The following PCDH20 variants were observed in gnomAD, a reference collection of about 807,000 sequenced individuals.
PCDH20 encodes protocadherin-20.
A neutral mutation model predicts 39.7 loss-of-function variants in PCDH20; 18 were observed. The observed-to-expected ratio is 0.45, with a 90% CI of 0.31 to 0.67. The LOEUF is 0.67. Ranked by LOEUF, PCDH20 falls within the 30% of genes least tolerant of loss-of-function variation. PCDH20 has a pLI of 0.05. For synonymous variants in PCDH20, 495 were observed against 455.4 expected (o/e 1.09, Z -1.11); for missense variants, 1,161 against 1,167.4 (o/e 0.99, Z 0.08).
chr13:61,413,860 A>T lies in PCDH20; in HGVS notation c.239T>A (p.Val80Glu). The T allele has an allele frequency of 6.2e-7, 1 of 1,612,444 alleles. No homozygotes were observed. The highest frequency in any genetic ancestry group is 8.5e-7 in the Non-Finnish European group (1 of 1,179,606). The change falls in exon 2 of 2, where the codon GTG (valine) becomes GAG (glutamate). Residue 80 changes from valine (V) to glutamate (E), a missense_variant. By Grantham distance (121) the Val-to-Glu change is moderately radical. Coordinates refer to ENST00000409204, the Ensembl canonical transcript of PCDH20. ...GTCCTCGGCCAGGCTGCCGATGAGCACCCCCGCGGGTAGTCCCTCGTTTAG... is the reference window on the plus strand; with the variant it reads ...GTCCTCGGCCAGGCTGCCGATGAGCTCCCCCGCGGGTAGTCCCTCGTTTAG...
exon 2 of PCDH20, chr13:61,412,306 T>A (rs1271955575): frequency 6.2e-7 from 1 of 1,614,088 alleles, no homozygotes; most frequent in South Asian, 1.1e-5. Flanking sequence ...CTCTTCTCGG[T>A]CCAGCTGAGT....
exon 2 of PCDH20, chr13:61,412,533 T>A: frequency 6.2e-7 from 1 of 1,614,234 alleles, no homozygotes; most frequent in South Asian, 1.1e-5. Flanking sequence ...AAAGTTGCAC[T>A]TTAATGACCC....
In PCDH20 at chr13:61,412,595, A is replaced by C. The variant is rs1415387809; in HGVS notation, c.1504T>G (p.Phe502Val). ...CAAGCCACCACAGCTACTTCATAGA[A>C]CTGCTGTAGCTCATAGTCCATAGGT... is the stretch of plus-strand genomic sequence containing the variant. Residue 502 changes from phenylalanine to valine, a missense_variant, in exon 2 of 2, where the codon TTC becomes GTC. Around this residue, in one of 3 missense-constraint regions of PCDH20, gnomAD observed 754 missense variants for 777.5 expected, o/e 0.97. Transcript: ENST00000409204. 1.2e-6 allele frequency: 2 copies of C among 1,613,948 alleles called. No individual in the cohort carries two copies. Among genetic ancestry groups the C allele is most frequent in the Non-Finnish European group, 8.5e-7 (1 of 1,179,950 alleles).
At chr13:61,412,424 C>T (rs979085528) in exon 2 of PCDH20, 1 of 1,614,042 alleles carries the variant, frequency 6.2e-7, no homozygotes, top group Non-Finnish European at 8.5e-7. Context: ...GCATCTGTAG[C>T]ATACAGCTTA....
In PCDH20 at chr13:61,411,542, T is replaced by A. The variant is rs750268612; in HGVS notation, c.2557A>T (p.Ile853Phe). ...GGTTCTTTTCTTAAAAGACTCTCAATGTAACTCTCATTACTGACAGTGTCA... is the reference window on the plus strand; with the variant it reads ...GGTTCTTTTCTTAAAAGACTCTCAAAGTAACTCTCATTACTGACAGTGTCA... Residue 853 changes from isoleucine to phenylalanine, a missense_variant, in exon 2 of 2, where the codon ATT (isoleucine) becomes TTT (phenylalanine). Coordinates refer to ENST00000409204, the Ensembl canonical transcript of PCDH20. The A allele has an allele frequency of 7.4e-6, 12 of 1,614,094 alleles. No homozygotes were observed. The Admixed American group carries it at 1.7e-4, about 22-fold the overall frequency.
exon 2 of PCDH20, chr13:61,413,749 A>G: frequency 6.2e-7 from 1 of 1,613,726 alleles, no homozygotes; most frequent in Non-Finnish European, 8.5e-7. Flanking sequence ...GCTGAAGGAG[A>G]GAGGGGGGTT....
exon 2 of PCDH20, chr13:61,412,511 C>G: frequency 6.2e-7 from 1 of 1,614,164 alleles, no homozygotes; most frequent in Non-Finnish European, 8.5e-7. Flanking sequence ...GGAGCATTAT[C>G]ATTGTCATCT....
chr13:61,412,558 C>T (rs1381718522), exon 2 of PCDH20: 1 of 1,614,052 alleles, frequency 6.2e-7, no homozygotes, highest in African/African-American at 1.3e-5. Context: ...GACATGAAAT[C>T]CCTCAGAGTT....
chr13:61,413,187 G>T, exon 2 of PCDH20: 2 of 1,614,090 alleles, frequency 1.2e-6, no homozygotes, highest in Non-Finnish European at 1.7e-6. Context: ...TGGTGAGAGT[G>T]GCACTGCCCA....
chr13:61,415,115 A>G, exon 1 of PCDH20: 1 of 1,546,032 alleles, frequency 6.5e-7, no homozygotes, highest in South Asian at 1.2e-5. Context: ...GCACCAGCTC[A>G]CTCCCAGGGC....
chr13:61,410,997 C>T, exon 2 of PCDH20: 1 of 189,962 alleles, frequency 5.3e-6, no homozygotes, highest in Non-Finnish European at 8.6e-6. Context: ...AAACCATGTC[C>T]AAGCTTTTTT....
exon 2 of PCDH20, chr13:61,411,264 T>C: frequency 6.2e-7 from 1 of 1,612,470 alleles, no homozygotes; most frequent in Non-Finnish European, 8.5e-7. Context: ...AAATATCCAT[T>C]GGCTTTCTCT....
exon 2 of PCDH20, chr13:61,412,061 T>C (rs756823101): frequency 2.5e-6 from 4 of 1,614,016 alleles, no homozygotes; most frequent in Non-Finnish European, 3.4e-6. Flanking sequence ...TCACTCTGGT[T>C]CACCACAGAG....
exon 2 of PCDH20, chr13:61,411,600 G>A: frequency 6.2e-7 from 1 of 1,614,172 alleles, no homozygotes; most frequent in Non-Finnish European, 8.5e-7. Context: ...CTGTGGAGTG[G>A]AGAGGCTCGG....
At chr13:61,411,517 G>T (rs148905639) in exon 2 of PCDH20, 2 of 1,613,886 alleles carry the variant, frequency 1.2e-6, no homozygotes, top group African/African-American at 2.7e-5. Context: ...ATTAATCTCT[G>T]GTTCTTTTCT....
At chr13:61,415,229 A>C (rs1871522343) in exon 1 of PCDH20, 15 of 1,290,396 alleles carry the variant, frequency 1.2e-5, no homozygotes, top group African/African-American at 1.5e-5. Flanking sequence ...CGGTTCATGC[A>C]AATCGCTGGG....
chr13:61,413,713 T>A (rs558635709), exon 2 of PCDH20: 1 of 1,613,948 alleles, frequency 6.2e-7, no homozygotes, highest in East Asian at 2.2e-5. Context: ...GGTCACGTAC[T>A]GGCCACTCAG....
exon 2 of PCDH20, chr13:61,411,140 A>C: frequency 1.1e-6 from 1 of 950,284 alleles, no homozygotes; most frequent in Admixed American, 2.7e-5. Flanking sequence ...CAAGTTATAA[A>C]TTAGTTGTCC....
exon 2 of PCDH20, chr13:61,413,277 G>A: frequency 6.2e-7 from 1 of 1,614,150 alleles, no homozygotes; most frequent in Non-Finnish European, 8.5e-7. Flanking sequence ...AAGCACCCAT[G>A]ACAATTAGGT....
Sources: gnomAD v4.1 joint callset for allele counts on GRCh38, gnomAD v4.1.1 for gene constraint, gnomAD v4.1.1 regional missense constraint, MANE v1.5 for transcripts, NCBI Gene and HGNC (gene_info 2026-07-23, HGNC 2026-07-21) for gene names.